NEGR1: variants seen among roughly 807,000 people sequenced by gnomAD.
NEGR1 encodes the protein IgLON family member 4.
NEGR1 carries 10 observed loss-of-function variants against 40.9 expected under a neutral mutation model. That is an observed-to-expected ratio of 0.24 (90% CI 0.15 to 0.42). NEGR1 has a LOEUF of 0.42. NEGR1 is among the 10% of genes least tolerant of loss of function. NEGR1 has a pLI of 1.00. For missense variants in NEGR1, 352 were observed against 438.9 expected (o/e 0.80, Z 1.77); for synonymous variants, 185 against 166.8 (o/e 1.11, Z -0.84).
At chr1:71,559,571 A>G (rs1648373423) in intron 6 of NEGR1, among the ~76,000 whole-genome samples, 1 of 151,610 alleles carries the variant, frequency 6.6e-6, no homozygotes, top group South Asian at 2.1e-4. Context: ...TTGTATATCC[A>G]CTAACACAAT....
chr1:71,758,446 TAA>T (rs1353654756), intron 3 of NEGR1, among the ~76,000 whole-genome samples: 2 of 152,098 alleles, frequency 1.3e-5, no homozygotes, highest in Admixed American at 6.5e-5. Flanking sequence ...GCCCGAATCT[TAA>T]AGAGATAGCA....
intron 6 of NEGR1, among the ~76,000 whole-genome samples, chr1:71,435,975 T>A (rs1646506528): frequency 6.6e-6 from 1 of 152,130 alleles, no homozygotes; most frequent in Admixed American, 6.5e-5. Context: ...CCTTTAAAGC[T>A]CACTACACAC....
intron 6 of NEGR1, among the ~76,000 whole-genome samples, chr1:71,519,692 C>A (rs1380369734): frequency 7.7e-6 from 1 of 130,062 alleles, no homozygotes; most frequent in African/African-American, 3.0e-5. Context: ...AACTAACCTG[C>A]ACAATGTGCA....
In NEGR1 at chr1:71,815,588, T is replaced by A. The variant is rs142258932; in HGVS notation, c.410-39291A>T. ...AAACTTGTTTTATGAACCTGGGTGC[T>A]GCTGTATTGAGTGCATATATATTTA... On this transcript the variant is annotated intron_variant, in intron 2 of 6. Coordinates refer to ENST00000357731, the MANE Select transcript of NEGR1 (RefSeq NM_173808.3). 9.0e-3 allele frequency among the ~76,000 whole-genome samples: 1,369 copies of A among 152,220 alleles called. 15 individuals carry two copies. The highest frequency in any genetic ancestry group is 0.031 in the African/African-American group (1,306 of 41,542).
At chr1:71,855,111 C>A (rs1659720561) in intron 2 of NEGR1, among the ~76,000 whole-genome samples, 1 of 152,108 alleles carries the variant, frequency 6.6e-6, no homozygotes, top group Non-Finnish European at 1.5e-5. Flanking sequence ...CAAACAGTAT[C>A]ACGTTTAGGC....
chr1:72,227,782 A>G (rs1654240036), intron 1 of NEGR1, among the ~76,000 whole-genome samples: 2 of 152,228 alleles, frequency 1.3e-5, no homozygotes, highest in East Asian at 1.9e-4. Flanking sequence ...GGCAATTCAT[A>G]AAGTATTAGA....
chr1:71,530,739 A>G (rs545167468), intron 6 of NEGR1, among the ~76,000 whole-genome samples: 3 of 151,360 alleles, frequency 2.0e-5, no homozygotes, highest in Non-Finnish European at 4.4e-5. Context: ...AAATTGACCA[A>G]TTCTGGGACA....
intron 6 of NEGR1, among the ~76,000 whole-genome samples, chr1:71,437,626 T>C (rs1646518412): frequency 6.6e-6 from 1 of 152,214 alleles, no homozygotes; most frequent in South Asian, 2.1e-4. Context: ...TTAGAAATGT[T>C]ATGTTCATCT....
intron 1 of NEGR1, among the ~76,000 whole-genome samples, chr1:72,098,010 C>T (rs998111799): frequency 2.0e-5 from 3 of 152,156 alleles, no homozygotes; most frequent in Non-Finnish European, 4.4e-5. Context: ...TGGCTTAAAA[C>T]CTCTGATCAT....
At chr1:71,734,865 C>A (rs1428258092) in intron 3 of NEGR1, among the ~76,000 whole-genome samples, 2 of 152,114 alleles carry the variant, frequency 1.3e-5, no homozygotes, top group Non-Finnish European at 2.9e-5. Flanking sequence ...GCATTGTCCT[C>A]TTCAGTTCTC....
At chr1:72,026,386 T>C (rs79419462) in intron 1 of NEGR1, among the ~76,000 whole-genome samples, 2 of 151,348 alleles carry the variant, frequency 1.3e-5, no homozygotes, top group Non-Finnish European at 2.9e-5. Context: ...TTTTTTTTTT[T>C]CTCCAAAGGA....
intron 1 of NEGR1, among the ~76,000 whole-genome samples, chr1:71,992,789 A>C (rs1646467002): frequency 6.6e-6 from 1 of 152,218 alleles, no homozygotes; most frequent in Non-Finnish European, 1.5e-5. Flanking sequence ...TCTGAATGAA[A>C]TCTGAGTTGC....
chr1:71,496,792 C>T (rs1457111733), intron 6 of NEGR1, among the ~76,000 whole-genome samples: 2 of 152,080 alleles, frequency 1.3e-5, no homozygotes, highest in Non-Finnish European at 2.9e-5. Flanking sequence ...GGCAAGAATT[C>T]ATTATCCACC....
chr1:72,125,389 AAC>A (rs1649971352), intron 1 of NEGR1, among the ~76,000 whole-genome samples: 1 of 152,206 alleles, frequency 6.6e-6, no homozygotes, highest in African/African-American at 2.4e-5. Flanking sequence ...AAATATTCAT[AAC>A]ACTCTATCAT....
In NEGR1 at chr1:71,611,062, G is replaced by A; in HGVS notation, c.752C>T (p.Pro251Leu). ...TTTGTACCATTCAAAGGCTGGAGGC[G>A]GCACACCTGCACCTTCACATCTTAT... is the stretch of plus-strand genomic sequence containing the variant. ...GLIRCEGAGVPPPAFEWYKGE... is the reference protein window; with the variant it reads ...GLIRCEGAGVLPPAFEWYKGE... The change falls in exon 5 of 7, where the codon CCG (proline) becomes CTG (leucine). Residue 251 changes from proline to leucine, a missense_variant. Pro to Leu is a moderately conservative substitution (Grantham distance 98, BLOSUM62 -3). This residue lies in a region of NEGR1 where 184 missense variants were observed against 208.7 expected (regional missense o/e 0.88). Coordinates refer to ENST00000357731, the MANE Select transcript of NEGR1 (RefSeq NM_173808.3). 6.2e-7 allele frequency: 1 copy of A among 1,613,818 alleles called. No individual in the cohort carries two copies. The highest frequency in any genetic ancestry group is 8.5e-7 in the Non-Finnish European group (1 of 1,179,810).
At chr1:71,576,578 G>T (rs773835037) in intron 6 of NEGR1, among the ~76,000 whole-genome samples, 1 of 152,158 alleles carries the variant, frequency 6.6e-6, no homozygotes, top group South Asian at 2.1e-4. Flanking sequence ...TCACAAAGGG[G>T]TAGACTGTAG....
chr1:71,677,117 G>A (rs1932175), intron 4 of NEGR1, among the ~76,000 whole-genome samples: 149,719 of 152,260 alleles, frequency 0.98, 73,650 homozygotes, highest in Middle Eastern at 1. Flanking sequence ...ATATATGTAG[G>A]CTGTTTAGCT....
At chr1:71,822,568 C>T (rs1460741349) in intron 2 of NEGR1, among the ~76,000 whole-genome samples, 1 of 151,982 alleles carries the variant, frequency 6.6e-6, no homozygotes, top group African/African-American at 2.4e-5. Context: ...CCCCAACAAG[C>T]TAATCCTGAG....
intron 1 of NEGR1, among the ~76,000 whole-genome samples, chr1:72,105,972 AC>A (rs1039296072): frequency 5.9e-5 from 9 of 152,100 alleles, no homozygotes; most frequent in Non-Finnish European, 8.8e-5. Context: ...GGCAGTGAAA[AC>A]CTAGATATAA....
Sources: allele counts gnomAD v4.1 joint callset (sites outside exome capture counted in the v4.1 genomes callset), GRCh38; gene constraint gnomAD v4.1.1; regional missense constraint gnomAD v4.1.1; transcripts MANE v1.5; gene names NCBI Gene and HGNC (gene_info 2026-07-23, HGNC 2026-07-21).